IL19: variants seen among roughly 807,000 people sequenced by gnomAD.
The protein encoded by IL19 is interleukin 19.
Under a neutral mutation model 19.5 loss-of-function variants are expected in IL19, and 15 were observed. That is an observed-to-expected ratio of 0.77 (90% CI 0.52 to 1.19). IL19 has a LOEUF of 1.19. Among genes scored for constraint, IL19 ranks in the 50% most tolerant of loss-of-function variants. IL19 has a pLI of 0.00. For missense variants in IL19, 199 were observed against 213.1 expected (o/e 0.93, Z 0.41); for synonymous variants, 78 against 78.3 (o/e 1.00, Z 0.02).
chr1:206,798,559 A>G (rs548271260), intron 1 of IL19, among the ~76,000 whole-genome samples: 1 of 151,348 alleles, frequency 6.6e-6, no homozygotes, highest in South Asian at 2.1e-4. Context: ...TTTTTTCTTA[A>G]AAGACAGTTC....
At chr1:206,832,856 C>A (rs932794968) in intron 2 of IL19, among the ~76,000 whole-genome samples, 2 of 152,202 alleles carry the variant, frequency 1.3e-5, no homozygotes, top group African/African-American at 4.8e-5. Context: ...TGCTGGACCA[C>A]AAGACATCAA....
intron 2 of IL19, among the ~76,000 whole-genome samples, chr1:206,800,396 C>T (rs570641300): frequency 6.6e-6 from 1 of 152,292 alleles, no homozygotes; most frequent in Admixed American, 6.5e-5. Context: ...GATGAATGCT[C>T]CGATATGTTG....
At chr1:206,823,517 T>TG (rs1676347486) in intron 2 of IL19, among the ~76,000 whole-genome samples, 1 of 151,560 alleles carries the variant, frequency 6.6e-6, no homozygotes, top group South Asian at 2.1e-4. Context: ...ATCATGCCAC[T>TG]GCACTCTAAC....
intron 6 of IL19, 88 bp from the exon 7 acceptor site, chr1:206,842,439 C>A: frequency 1.3e-6 from 1 of 764,292 alleles, no homozygotes; most frequent in South Asian, 1.8e-5. Context: ...GAAACAAAAC[C>A]TTGTGGGAAC....
rs549541485 is a variant in IL19, at chr1:206,834,781, C to T, written c.-2-1880C>T. 1.2e-4 allele frequency among the ~76,000 whole-genome samples: 18 copies of T among 152,236 alleles called. 1 individual carries two copies. In the South Asian group the frequency reaches 1.7e-3, roughly 14 times the overall value. On this transcript the variant is annotated intron_variant, in intron 2 of 6. Coordinates refer to ENST00000659997, the MANE Select transcript of IL19 (RefSeq NM_153758.5). ...CACTGGTTCAGAAATGGGTTCCTGT[C>T]TGTCTGGTGTCAGGGGAGCTACTGG...
chr1:206,801,384 C>G (rs544186114), intron 2 of IL19, among the ~76,000 whole-genome samples: 29 of 152,308 alleles, frequency 1.9e-4, no homozygotes, highest in Non-Finnish European at 2.9e-4. Flanking sequence ...ATGGAGGCAA[C>G]TTCCTGGACC....
At chr1:206,811,582 A>C (rs908585175) in intron 2 of IL19, among the ~76,000 whole-genome samples, 1 of 152,106 alleles carries the variant, frequency 6.6e-6, no homozygotes, top group Non-Finnish European at 1.5e-5. Flanking sequence ...ATTTCAGTTA[A>C]TATCTTTCTC....
At chr1:206,835,586 C>T (rs979767639) in intron 2 of IL19, among the ~76,000 whole-genome samples, 4 of 152,180 alleles carry the variant, frequency 2.6e-5, no homozygotes, top group African/African-American at 7.2e-5. Flanking sequence ...CTACAGTCCT[C>T]GCAGCTGGCT....
chr1:206,781,173 C>T (rs1040120318), intron 1 of IL19, among the ~76,000 whole-genome samples: 7 of 151,836 alleles, frequency 4.6e-5, no homozygotes, highest in African/African-American at 1.2e-4. Flanking sequence ...GGGCCAGGCG[C>T]GGTGGCTCAC....
chr1:206,789,207 C>T (rs939547112), intron 1 of IL19, among the ~76,000 whole-genome samples: 2 of 152,182 alleles, frequency 1.3e-5, no homozygotes, highest in Non-Finnish European at 2.9e-5. Context: ...TAGTACAGTA[C>T]GAGAGATCTT....
chr1:206,841,863 G>A (rs1169711664), intron 6 of IL19, among the ~76,000 whole-genome samples: 1 of 152,212 alleles, frequency 6.6e-6, no homozygotes, highest in African/African-American at 2.4e-5. Flanking sequence ...GATACATTAA[G>A]AAACTGAGGC....
chr1:206,791,795 A>G (rs1675411499), intron 1 of IL19, among the ~76,000 whole-genome samples: 1 of 152,222 alleles, frequency 6.6e-6, no homozygotes, highest in Non-Finnish European at 1.5e-5. Flanking sequence ...TCTTAAAGGT[A>G]ACTGGCCAAC....
intron 2 of IL19, among the ~76,000 whole-genome samples, chr1:206,824,674 G>T (rs79489787): frequency 6.6e-6 from 1 of 152,158 alleles, no homozygotes; most frequent in East Asian, 1.9e-4. Context: ...CCATTTCTCC[G>T]GATGAGGAAA....
At chr1:206,772,162 G>T in intron 1 of IL19, 3 of 940,624 alleles carry the variant, frequency 3.2e-6, no homozygotes, top group Non-Finnish European at 3.4e-6. Flanking sequence ...GGGAATAGGT[G>T]TTGGGGATGG....
At chr1:206,821,923 C>G (rs531243763) in intron 2 of IL19, among the ~76,000 whole-genome samples, 40 of 152,334 alleles carry the variant, frequency 2.6e-4, no homozygotes, top group African/African-American at 9.1e-4. Context: ...TGTCCAGGTT[C>G]TTCAAGTTCC....
At chr1:206,784,911 G>A (rs1333476035) in intron 1 of IL19, among the ~76,000 whole-genome samples, 2 of 152,234 alleles carry the variant, frequency 1.3e-5, no homozygotes, top group African/African-American at 2.4e-5. Context: ...GGCTCCTGAC[G>A]TGGGACTCAG....
intron 1 of IL19, among the ~76,000 whole-genome samples, chr1:206,789,875 G>A (rs1675353937): frequency 6.6e-6 from 1 of 152,124 alleles, no homozygotes; most frequent in Non-Finnish European, 1.5e-5. Context: ...ATGGCCTTCA[G>A]CTCCTTTCAT....
chr1:206,791,333 G>T lies in IL19; in HGVS notation c.-148-7528G>T, dbSNP rs147943647. Among the ~76,000 whole-genome samples, 19 of 149,006 alleles carry T rather than the reference G, an allele frequency of 1.3e-4. 1 individual carries two copies. The East Asian group carries it at 3.7e-3, about 29-fold the overall frequency. On this transcript the variant is annotated intron_variant, in intron 1 of 6. Coordinates refer to ENST00000659997, the MANE Select transcript of IL19 (RefSeq NM_153758.5). ...TTTTTTTTTTTTTAGATGGAGTTTCGGTCTTGTTGACCAGGCTGGAGTACA... is the reference window on the plus strand; with the variant it reads ...TTTTTTTTTTTTTAGATGGAGTTTCTGTCTTGTTGACCAGGCTGGAGTACA...
intron 2 of IL19, among the ~76,000 whole-genome samples, chr1:206,821,401 T>C (rs1322381841): frequency 6.6e-6 from 1 of 152,256 alleles, no homozygotes; most frequent in African/African-American, 2.4e-5. Flanking sequence ...CATTTGTTGT[T>C]GCTATTATCA....
Sources: gnomAD v4.1 joint callset for allele counts (sites outside exome capture counted in the v4.1 genomes callset) on GRCh38, gnomAD v4.1.1 for gene constraint, MANE v1.5 for transcripts, NCBI Gene and HGNC (gene_info 2026-07-23, HGNC 2026-07-21) for gene names.